The following OPCML variants were observed in gnomAD, a reference collection of about 807,000 sequenced individuals.
The protein encoded by OPCML is opioid-binding protein/cell adhesion molecule.
OPCML carries 13 observed loss-of-function variants against 37.8 expected under a neutral mutation model. The ratio of observed to expected loss-of-function variants is 0.34; its 90% CI spans 0.22 to 0.55. OPCML has a LOEUF of 0.55. Ranked by LOEUF, OPCML falls within the 20% of genes least tolerant of loss-of-function variation. The pLI is 0.91. For missense variants in OPCML, 341 were observed against 435.6 expected (o/e 0.78, Z 1.93); for synonymous variants, 176 against 168.8 (o/e 1.04, Z -0.33).
chr11:133,316,387 C>A (rs567755770), intron 1 of OPCML, among the ~76,000 whole-genome samples: 4 of 152,156 alleles, frequency 2.6e-5, no homozygotes, highest in Non-Finnish European at 5.9e-5. Flanking sequence ...GAATTAGAAC[C>A]AAATACCACA....
At chr11:132,780,011 A>G (rs1164370812) in intron 2 of OPCML, among the ~76,000 whole-genome samples, 1 of 152,152 alleles carries the variant, frequency 6.6e-6, no homozygotes, top group Non-Finnish European at 1.5e-5. Flanking sequence ...CATAGATCAC[A>G]TAGTGTGTGA....
intron 2 of OPCML, among the ~76,000 whole-genome samples, chr11:132,841,854 C>CT (rs1181082703): frequency 7.5e-5 from 6 of 79,804 alleles, no homozygotes; most frequent in Non-Finnish European, 1.3e-4. Context: ...GAATGACACT[C>CT]TATCTCAAAA....
chr11:133,454,143 G>C (rs1946630693), intron 1 of OPCML, among the ~76,000 whole-genome samples: 1 of 152,132 alleles, frequency 6.6e-6, no homozygotes, highest in Non-Finnish European at 1.5e-5. Flanking sequence ...TTTGTTTCTA[G>C]GGTCATGATA....
At chr11:133,233,883 C>T (rs1177255588) in intron 1 of OPCML, among the ~76,000 whole-genome samples, 1 of 152,124 alleles carries the variant, frequency 6.6e-6, no homozygotes, top group Non-Finnish European at 1.5e-5. Context: ...ACTAGAAGGT[C>T]CATGGAGCAT....
chr11:133,074,316 A>C (rs536269957), intron 1 of OPCML, among the ~76,000 whole-genome samples: 1 of 152,322 alleles, frequency 6.6e-6, no homozygotes, highest in African/African-American at 2.4e-5. Context: ...GGACCAGAAG[A>C]CTTCTAAAGT....
At position 132,924,809 on chromosome 11, in the gene OPCML, C is replaced by T. The variant is rs898921955; in HGVS notation, c.146+18117G>A. Among the ~76,000 whole-genome samples the T allele has an allele frequency of 3.3e-5, 5 of 152,098 alleles. No homozygotes were observed. In the South Asian group the frequency reaches 8.3e-4, roughly 25 times the overall value. ...ATTCCTGGATCTGTGGTTTGGTGTC[C>T]GGCATTAATCTTGGGATATTCTCAG... On this transcript the variant is annotated intron_variant, in intron 2 of 7. Transcript: ENST00000524381.
intron 1 of OPCML, among the ~76,000 whole-genome samples, chr11:133,328,321 C>A (rs1403647811): frequency 6.6e-6 from 1 of 152,036 alleles, no homozygotes; most frequent in Non-Finnish European, 1.5e-5. Flanking sequence ...TCATGCCCAG[C>A]TGATTTTTGC....
chr11:132,825,482 A>G (rs1940253361), intron 2 of OPCML, among the ~76,000 whole-genome samples: 1 of 152,146 alleles, frequency 6.6e-6, no homozygotes, highest in Non-Finnish European at 1.5e-5. Flanking sequence ...CTATGCCTCC[A>G]TTTTCTCAAG....
At chr11:133,410,660 A>G (rs1945631393) in intron 1 of OPCML, among the ~76,000 whole-genome samples, 1 of 121,950 alleles carries the variant, frequency 8.2e-6, no homozygotes, top group Admixed American at 8.1e-5. Flanking sequence ...AAAAAAAAAA[A>G]AAAAAAAAAA....
rs1021498295 is a variant in OPCML, at chr11:133,380,393, G to T, written c.61+151871C>A. 3.9e-5 allele frequency among the ~76,000 whole-genome samples: 6 copies of T among 152,166 alleles called. No homozygotes were observed. In the East Asian group the frequency reaches 1.2e-3, roughly 29 times the overall value. Reference sequence around the variant, plus strand: ...CACATTTAAAAAAATTTTCCTAACTGATCTTCACTAAGCATGCTCTTTTGT... The same window carrying T: ...CACATTTAAAAAAATTTTCCTAACTTATCTTCACTAAGCATGCTCTTTTGT... On this transcript the variant is annotated intron_variant, in intron 1 of 7. Coordinates refer to ENST00000524381, the MANE Select transcript of OPCML (RefSeq NM_001012393.5).
At chr11:133,340,388 A>C (rs777251108) in intron 1 of OPCML, among the ~76,000 whole-genome samples, 1 of 152,176 alleles carries the variant, frequency 6.6e-6, no homozygotes, top group African/African-American at 2.4e-5. Context: ...AAAGTGGTAG[A>C]CTCAAAAGAC....
chr11:132,855,015 G>A (rs1941995242), intron 2 of OPCML, among the ~76,000 whole-genome samples: 1 of 152,180 alleles, frequency 6.6e-6, no homozygotes, highest in Non-Finnish European at 1.5e-5. Context: ...AGGGACCAAA[G>A]CCGCTTTTGT....
chr11:133,140,724 A>AGATG (rs1262666537), intron 1 of OPCML, among the ~76,000 whole-genome samples: 5 of 22,152 alleles, frequency 2.3e-4, no homozygotes, highest in East Asian at 0.012. Flanking sequence ...CGAAGACGGA[A>AGATG]GACGACGACG....
intron 1 of OPCML, among the ~76,000 whole-genome samples, chr11:133,030,827 T>C (rs551456898): frequency 6.6e-6 from 1 of 152,216 alleles, no homozygotes; most frequent in East Asian, 1.9e-4. Flanking sequence ...AATTTCACCC[T>C]ACCAAGAAGG....
Position 133,022,102 on chromosome 11 carries a change from A to T in OPCML, c.62-79092T>A, listed in dbSNP as rs1205319005. 2.0e-5 allele frequency among the ~76,000 whole-genome samples: 3 copies of T among 152,188 alleles called. No homozygotes were observed. The East Asian group carries it at 5.8e-4, about 29-fold the overall frequency. On this transcript the variant is annotated intron_variant, in intron 1 of 7. Coordinates refer to ENST00000524381, the MANE Select transcript of OPCML (RefSeq NM_001012393.5). ...TTCTACTTCGCAGTAGGGCCTGAGG[A>T]ACTCACCATGTGATCTTTGGTTATG...
chr11:132,754,442 C>T (rs1187323885), intron 2 of OPCML, among the ~76,000 whole-genome samples: 2 of 152,198 alleles, frequency 1.3e-5, no homozygotes, highest in Admixed American at 6.5e-5. Flanking sequence ...TAAGATGTGA[C>T]TTGCTCTTAC....
intron 2 of OPCML, among the ~76,000 whole-genome samples, chr11:132,900,685 C>T (rs1944027227): frequency 6.6e-6 from 1 of 152,194 alleles, no homozygotes. Context: ...CCTTCCTGCC[C>T]TATGGGCTCT....
At position 133,435,019 on chromosome 11, in the gene OPCML, T is replaced by C. The variant is rs1316776549; in HGVS notation, c.61+97245A>G. Among the ~76,000 whole-genome samples, 3 of 151,998 alleles carry C rather than the reference T, an allele frequency of 2.0e-5. No individual in the cohort carries two copies. The East Asian group carries it at 5.8e-4, about 29-fold the overall frequency. On this transcript the variant is annotated intron_variant, in intron 1 of 7. Coordinates refer to ENST00000524381, the MANE Select transcript of OPCML (RefSeq NM_001012393.5). ...CTATTTTAGCAAGTTCTCTGGATAG[T>C]GCAAAAATTGTTCAAGTGAGAGATA...
chr11:132,609,837 C>A (rs1475100310), intron 3 of OPCML, among the ~76,000 whole-genome samples: 1 of 152,186 alleles, frequency 6.6e-6, no homozygotes, highest in Non-Finnish European at 1.5e-5. Flanking sequence ...TGATCGATAT[C>A]TGTATCTCTA....
Sources: gnomAD v4.1 joint callset for allele counts (sites outside exome capture counted in the v4.1 genomes callset) on GRCh38, gnomAD v4.1.1 for gene constraint, MANE v1.5 for transcripts, NCBI Gene and HGNC (gene_info 2026-07-23, HGNC 2026-07-21) for gene names.